The following WDHD1 variants were observed in gnomAD, a reference collection of about 807,000 sequenced individuals.
WDHD1 encodes WD repeat and HMG-box DNA binding protein 1.
In WDHD1, 111 loss-of-function variants were observed where a neutral mutation model predicts 135.4. That is an observed-to-expected ratio of 0.82 (90% confidence interval 0.70 to 0.96). The LOEUF is 0.96. WDHD1 is among the 40% of genes least tolerant of loss of function. The pLI is 0.00. For missense variants in WDHD1, 1,351 were observed against 1,336.3 expected, an observed-to-expected ratio of 1.01 and a Z score of -0.17; for synonymous variants, 434 against 439.0, an observed-to-expected ratio of 0.99 and a Z score of 0.14.
chr14:54,974,514 T>G (rs943652800), intron 16 of WDHD1, among the ~76,000 whole-genome samples: 6 of 149,938 alleles, frequency 4.0e-5, no homozygotes, highest in African/African-American at 1.5e-4. Flanking sequence ...TTTTGTTATA[T>G]TAAAGAAAGA....
intron 18 of WDHD1, among the ~76,000 whole-genome samples, chr14:54,965,086 TC>T (rs1261281280): frequency 1.3e-5 from 2 of 152,198 alleles, no homozygotes; most frequent in Admixed American, 1.3e-4. Context: ...ATACCACTTT[TC>T]TCTAAGAACC....
At chr14:54,995,095 C>T (rs1252283882) in intron 11 of WDHD1, among the ~76,000 whole-genome samples, 2 of 152,180 alleles carry the variant, frequency 1.3e-5, no homozygotes, top group African/African-American at 4.8e-5. Context: ...GAGTTTCCTG[C>T]CTCAGTCTCC....
Position 54,991,286 on chromosome 14 carries a change from C to T in WDHD1, c.1268G>A (p.Gly423Glu). The part of the protein sequence containing the change: ...LVTSQRPFYD[G>E]PMPTPRQKPF... ...CTTTTGCCGGGGAGTTGGCATGGGT[C>T]CATCATAAAATGGCCTTTGGGATGT... Residue 423 changes from glycine to glutamate, a missense_variant, in exon 12 of 26, where the codon GGA (glycine) becomes GAA (glutamate). Physicochemically the swap from Gly to Glu is moderately conservative, Grantham distance 98. Around this residue, in one of 2 missense-constraint regions of WDHD1, gnomAD observed 1,330 missense variants for 1,296.1 expected, o/e 1.03. Coordinates refer to ENST00000360586, the MANE Select transcript of WDHD1 (RefSeq NM_007086.4). The T allele has an allele frequency of 6.2e-7, 1 of 1,613,634 alleles. No homozygotes were observed. Among genetic ancestry groups the T allele is most frequent in the Non-Finnish European group, 8.5e-7 (1 of 1,179,646 alleles).
At chr14:54,986,939 T>C (rs1460936254) in intron 14 of WDHD1, among the ~76,000 whole-genome samples, 1 of 152,200 alleles carries the variant, frequency 6.6e-6, no homozygotes, top group East Asian at 1.9e-4. Context: ...AAATTCCACC[T>C]TGGAATTCTC....
chr14:54,981,988 C>CATTT (rs1357518502), intron 15 of WDHD1, among the ~76,000 whole-genome samples: 3 of 151,398 alleles, frequency 2.0e-5, no homozygotes, highest in Non-Finnish European at 2.9e-5. Flanking sequence ...ATAATAATTT[C>CATTT]ATTTATTTAT....
Position 55,008,883 on chromosome 14 carries a change from G to C in WDHD1, c.342-164C>G, listed in dbSNP as rs138953223. ...TGGTGCGATCTCAACTGCAACCTCC[G>C]CCTCCCAGGTTCAAGCGATTCTCCT... On this transcript the variant is annotated intron_variant, in intron 4 of 25. Transcript: ENST00000360586. 9.7e-4 allele frequency among the ~76,000 whole-genome samples: 146 copies of C among 150,114 alleles called. 2 individuals are homozygous for C. The East Asian group carries it at 0.026, about 27-fold the overall frequency.
At chr14:54,992,875 T>C (rs1444309245) in intron 11 of WDHD1, among the ~76,000 whole-genome samples, 4 of 152,062 alleles carry the variant, frequency 2.6e-5, no homozygotes, top group African/African-American at 9.7e-5. Context: ...ATGATACCAC[T>C]GCACTCCAGC....
At chr14:54,982,444 C>T (rs1406363010) in intron 15 of WDHD1, among the ~76,000 whole-genome samples, 1 of 152,094 alleles carries the variant, frequency 6.6e-6, no homozygotes, top group African/African-American at 2.4e-5. Context: ...TACTCTTCTT[C>T]CTCTCTCTTC....
In WDHD1 at chr14:55,000,912, A is replaced by G; in HGVS notation, c.774T>C (p.Asn258=). ...TTTCCATGCAGTCTTTGGTTTCCACATTCCAAACTATGATTAGACCATTAA... is the reference window on the plus strand; with the variant it reads ...TTTCCATGCAGTCTTTGGTTTCCACGTTCCAAACTATGATTAGACCATTAA... ...GSINGLIIVW[N]VETKDCMERV... The change falls in exon 9 of 26, where the codon AAT becomes AAC. Residue 258 remains asparagine (N), a synonymous_variant. Transcript: ENST00000360586. 1.9e-6 allele frequency: 3 copies of G among 1,585,642 alleles called. No homozygotes were observed. The highest frequency in any genetic ancestry group is 1.2e-5 in the South Asian group (1 of 84,332).
intron 7 of WDHD1, chr14:55,004,872 GA>G (rs1248415624): frequency 1.9e-6 from 1 of 517,932 alleles, no homozygotes; most frequent in Non-Finnish European, 3.8e-6. Context: ...GGGAGCCGCA[GA>G]CCAGTCTTCT....
At chr14:54,987,518 T>C (rs1260904094) in intron 13 of WDHD1, 131 bp from the exon 14 acceptor site, 1 of 761,242 alleles carries the variant, frequency 1.3e-6, no homozygotes, top group Non-Finnish European at 1.9e-6. Context: ...GTATAAGAAG[T>C]TGCTTTAAAA....
At chr14:55,024,537 A>G (rs2042400509) in intron 2 of WDHD1, among the ~76,000 whole-genome samples, 1 of 152,108 alleles carries the variant, frequency 6.6e-6, no homozygotes, top group African/African-American at 2.4e-5. Flanking sequence ...CTTCTATCAC[A>G]CTTACCCAAA....
At chr14:54,994,671 G>C (rs1289622048) in intron 11 of WDHD1, among the ~76,000 whole-genome samples, 1 of 150,442 alleles carries the variant, frequency 6.6e-6, no homozygotes, top group African/African-American at 2.4e-5. Flanking sequence ...TGAGGCACAA[G>C]AATCACTTGA....
chr14:54,944,697 G>A, intron 24 of WDHD1: 1 of 253,158 alleles, frequency 4.0e-6, no homozygotes, highest in Non-Finnish European at 7.1e-6. Context: ...TCAGCTCACT[G>A]CAACCTCCGC....
At chr14:54,942,288 T>C (rs1056233893) in intron 25 of WDHD1, among the ~76,000 whole-genome samples, 2 of 151,100 alleles carry the variant, frequency 1.3e-5, no homozygotes, top group African/African-American at 2.4e-5. Flanking sequence ...ATAATAAAAA[T>C]GAAACTTTTT....
chr14:55,002,756 A>G (rs1307131704), intron 7 of WDHD1, among the ~76,000 whole-genome samples: 1 of 151,678 alleles, frequency 6.6e-6, no homozygotes, highest in Non-Finnish European at 1.5e-5. Flanking sequence ...AGCCCAACTA[A>G]TTTTTTTCCT....
chr14:54,996,377 G>A lies in WDHD1; in HGVS notation c.943-564C>T, dbSNP rs191754087. Among the ~76,000 whole-genome samples the A allele has an allele frequency of 1.2e-4, 18 of 152,162 alleles. No individual in the cohort carries two copies. The East Asian group carries it at 3.5e-3, about 29-fold the overall frequency. ...AATCTCAGCACTTTGGGAAGCCGAA[G>A]CAGGTGGATGCCTTGAGCTCAGGAG... On this transcript the variant is annotated intron_variant, in intron 10 of 25. Coordinates refer to ENST00000360586, the MANE Select transcript of WDHD1 (RefSeq NM_007086.4).
At chr14:55,026,030 A>G (rs1179752755) in intron 2 of WDHD1, among the ~76,000 whole-genome samples, 1 of 152,214 alleles carries the variant, frequency 6.6e-6, no homozygotes, top group East Asian at 1.9e-4. Flanking sequence ...ATACACATTT[A>G]TTTTTGTGAT....
At chr14:54,966,388 CTT>C in intron 18 of WDHD1, 85 bp downstream of exon 18, 1 of 1,431,814 alleles carries the variant, frequency 7.0e-7, no homozygotes, top group Non-Finnish European at 9.3e-7. Context: ...GGTTGTGGGA[CTT>C]AGTCCTAATG....
Sources: gnomAD v4.1 joint callset for allele counts (sites outside exome capture counted in the v4.1 genomes callset) on GRCh38, gnomAD v4.1.1 for gene constraint, gnomAD v4.1.1 regional missense constraint, MANE v1.5 for transcripts, NCBI Gene and HGNC (gene_info 2026-07-23, HGNC 2026-07-21) for gene names.